The following SCMH1 variants were observed in gnomAD, a reference collection of about 807,000 sequenced individuals.
SCMH1 encodes the protein polycomb protein SCMH1.
In SCMH1, 37 loss-of-function variants were observed where a neutral mutation model predicts 70.8. The observed-to-expected ratio is 0.52, with a 90% CI of 0.40 to 0.69. The LOEUF is 0.69. SCMH1 is among the 30% of genes least tolerant of loss of function. SCMH1 has a pLI of 0.00. For missense variants in SCMH1, 607 were observed against 827.3 expected, an observed-to-expected ratio of 0.73 and a Z score of 3.27; for synonymous variants, 292 against 307.4, an observed-to-expected ratio of 0.95 and a Z score of 0.52.
chr1:41,139,684 G>C (rs139737853), intron 6 of SCMH1, among the ~76,000 whole-genome samples: 1 of 151,840 alleles, frequency 6.6e-6, no homozygotes, highest in Non-Finnish European at 1.5e-5. Flanking sequence ...AAAAGGCAGG[G>C]GATAGATACA....
chr1:41,116,334 T>A (rs213765), intron 7 of SCMH1, among the ~76,000 whole-genome samples: 4 of 152,102 alleles, frequency 2.6e-5, no homozygotes, highest in African/African-American at 4.8e-5. Context: ...AAAATTCAAC[T>A]GATAGACTCA....
intron 1 of SCMH1, among the ~76,000 whole-genome samples, chr1:41,207,633 A>T (rs1043241441): frequency 2.0e-5 from 3 of 152,152 alleles, no homozygotes; most frequent in African/African-American, 7.2e-5. Flanking sequence ...ACAGATCAAC[A>T]AGACAGGTTA....
At chr1:41,088,797 T>G (rs1289136975) in intron 8 of SCMH1, among the ~76,000 whole-genome samples, 1 of 152,238 alleles carries the variant, frequency 6.6e-6, no homozygotes. Context: ...CATAGTGGTA[T>G]GCATATAGAA....
chr1:41,169,142 A>G (rs1180206919), intron 2 of SCMH1, among the ~76,000 whole-genome samples: 1 of 152,212 alleles, frequency 6.6e-6, no homozygotes, highest in Non-Finnish European at 1.5e-5. Flanking sequence ...AAGGCTACTC[A>G]TGAATGCAAA....
chr1:41,067,317 G>A (rs879499983), intron 10 of SCMH1, among the ~76,000 whole-genome samples: 7 of 151,678 alleles, frequency 4.6e-5, no homozygotes, highest in East Asian at 3.9e-4. Flanking sequence ...GGTGGCGGGC[G>A]CCTGTGGTCC....
At chr1:41,076,378 G>C (rs914654393) in intron 8 of SCMH1, among the ~76,000 whole-genome samples, 3 of 152,064 alleles carry the variant, frequency 2.0e-5, no homozygotes. Flanking sequence ...CTTAAACTGA[G>C]AATTTTTTGA....
chr1:41,052,457 G>A (rs1048518282), intron 10 of SCMH1, among the ~76,000 whole-genome samples: 7 of 152,214 alleles, frequency 4.6e-5, no homozygotes, highest in Non-Finnish European at 8.8e-5. Context: ...CATCCCCCAT[G>A]CCACTGGTCC....
chr1:41,224,333 G>C (rs940679087), intron 1 of SCMH1, among the ~76,000 whole-genome samples: 3 of 151,950 alleles, frequency 2.0e-5, no homozygotes, highest in African/African-American at 2.4e-5. Flanking sequence ...TTTATCCCCT[G>C]TATCTAACAC....
intron 13 of SCMH1, among the ~76,000 whole-genome samples, chr1:41,036,739 A>T (rs1645353797): frequency 6.6e-6 from 1 of 152,194 alleles, no homozygotes. Flanking sequence ...TGGTTGAGCA[A>T]TTCCAAATTG....
rs538546946 is a variant in SCMH1, at chr1:41,080,828, T to C, written c.746-5377A>G. ...ATCAACAGCATTCTTAATGGTGAAATATTGAACACTTCTTATTGAATTATG... is the reference window on the plus strand; with the variant it reads ...ATCAACAGCATTCTTAATGGTGAAACATTGAACACTTCTTATTGAATTATG... On this transcript the variant is annotated intron_variant, in intron 8 of 14. Transcript: ENST00000337495. Among the ~76,000 whole-genome samples, 176 of 152,246 alleles carry C rather than the reference T, an allele frequency of 1.2e-3. 1 individual carries two copies. Among genetic ancestry groups the C allele is most frequent in the African/African-American group, 3.8e-3 (158 of 41,574 alleles).
At chr1:41,187,196 C>T (rs1650449459) in intron 1 of SCMH1, among the ~76,000 whole-genome samples, 1 of 152,184 alleles carries the variant, frequency 6.6e-6, no homozygotes, top group African/African-American at 2.4e-5. Flanking sequence ...GACACGGTGG[C>T]TCACGTCTGT....
At chr1:41,128,154 AAT>A (rs1673691001) in intron 6 of SCMH1, among the ~76,000 whole-genome samples, 1 of 152,200 alleles carries the variant, frequency 6.6e-6, no homozygotes, top group African/African-American at 2.4e-5. Flanking sequence ...TTTAATAGCT[AAT>A]GGGATTACTC....
intron 13 of SCMH1, among the ~76,000 whole-genome samples, chr1:41,031,565 C>T (rs1369537622): frequency 6.6e-6 from 1 of 152,170 alleles, no homozygotes; most frequent in African/African-American, 2.4e-5. Flanking sequence ...CCAGCAGGGG[C>T]TGCTTAGAGT....
rs768653376 is a variant in SCMH1, at chr1:41,113,224, T to C, written c.745+59A>G. ...GGTGAAGATATGATCATGACAGCCC[T>C]GGGTAGTCTCCCTTATCATCTGGGT... On this transcript the variant is annotated intron_variant, in intron 8 of 14. Transcript: ENST00000337495. The surrounding 1 kb of genome is among the most constrained non-coding windows in gnomAD (Gnocchi z 4.3). 231 of 1,576,638 alleles carry C rather than the reference T, an allele frequency of 1.5e-4. No homozygotes were observed. Among genetic ancestry groups the C allele is most frequent in the Middle Eastern group, 1.4e-3 (7 of 4,868 alleles).
intron 10 of SCMH1, among the ~76,000 whole-genome samples, chr1:41,056,644 C>T (rs539475370): frequency 6.6e-6 from 1 of 152,306 alleles, no homozygotes; most frequent in African/African-American, 2.4e-5. Context: ...AAACTATTAG[C>T]CCTCAAATTT....
intron 6 of SCMH1, among the ~76,000 whole-genome samples, chr1:41,137,612 G>C (rs1370124346): frequency 6.6e-6 from 1 of 152,090 alleles, no homozygotes. Context: ...CCTCACCTTG[G>C]GTGGTTTCAT....
At chr1:41,080,086 T>A (rs896843402) in intron 8 of SCMH1, among the ~76,000 whole-genome samples, 2 of 152,070 alleles carry the variant, frequency 1.3e-5, no homozygotes, top group Admixed American at 1.3e-4. Context: ...TTAATTATGA[T>A]TTTTAAAAAA....
At chr1:41,201,624 G>T (rs1654374257) in intron 1 of SCMH1, among the ~76,000 whole-genome samples, 1 of 152,154 alleles carries the variant, frequency 6.6e-6, no homozygotes, top group East Asian at 1.9e-4. Flanking sequence ...GAAACTCTGA[G>T]ACTACCTCTT....
In SCMH1 at chr1:41,200,537, A is replaced by AATT. The variant is rs1654117317; in HGVS notation, c.-117-14288_-117-14287insAAT. 6.7e-5 allele frequency among the ~76,000 whole-genome samples: 10 copies of AATT among 149,192 alleles called. No homozygotes were observed. In the South Asian group the frequency reaches 2.1e-3, roughly 31 times the overall value. On this transcript the variant is annotated intron_variant, in intron 1 of 14. Coordinates refer to ENST00000337495, the Ensembl canonical transcript of SCMH1. ...ATAATATAATAATAATAATAATAAT[A>AATT]ATGCTTGTGAGGAAAACAGAGTTAG...
Sources: allele counts gnomAD v4.1 joint callset (sites outside exome capture counted in the v4.1 genomes callset), GRCh38; gene constraint gnomAD v4.1.1; non-coding constraint Gnocchi (gnomAD v3.1); transcripts MANE v1.5; gene names NCBI Gene and HGNC (gene_info 2026-07-23, HGNC 2026-07-21).